Variants in TBPL2 observed in about 807,000 individuals in gnomAD.
TBPL2 encodes the protein TATA-box binding protein like 2, also known as TATA box-binding protein-like 2.
A neutral mutation model predicts 38.2 loss-of-function variants in TBPL2; 40 were observed. The observed-to-expected ratio is 1.05, with a 90% CI of 0.81 to 1.36. TBPL2 has a LOEUF of 1.36. TBPL2 is among the 40% of genes most tolerant of loss of function. TBPL2 has a pLI of 0.00. For missense variants in TBPL2, 461 were observed against 456.7 expected (o/e 1.01, Z -0.09); for synonymous variants, 169 against 171.7 (o/e 0.98, Z 0.12).
exon 3 of TBPL2, chr14:55,435,863 G>T: frequency 3.8e-6 from 6 of 1,567,364 alleles, no homozygotes; most frequent in Non-Finnish European, 5.1e-6. Flanking sequence ...GTTATATTCT[G>T]CATTTTTTGC....
chr14:55,431,939 T>C (rs143019917), intron 4 of TBPL2, among the ~76,000 whole-genome samples: 29 of 152,176 alleles, frequency 1.9e-4, no homozygotes, highest in African/African-American at 7.0e-4. Context: ...TGAATCAAAA[T>C]ACCAGCTATC....
intron 3 of TBPL2, 22 bp from the exon 4 acceptor site, chr14:55,433,743 G>C: frequency 6.2e-7 from 1 of 1,608,786 alleles, no homozygotes; most frequent in South Asian, 1.1e-5. Flanking sequence ...AACCAAAAGA[G>C]AATTAGCCTC....
chr14:55,421,663 A>C (rs575716035), intron 6 of TBPL2, among the ~76,000 whole-genome samples: 1 of 152,128 alleles, frequency 6.6e-6, no homozygotes, highest in Non-Finnish European at 1.5e-5. Context: ...GGGTTTCACC[A>C]TGTTGGCAAG....
intron 6 of TBPL2, among the ~76,000 whole-genome samples, chr14:55,416,095 T>A (rs1334362297): frequency 6.6e-6 from 1 of 151,552 alleles, no homozygotes; most frequent in Non-Finnish European, 1.5e-5. Flanking sequence ...GAGAGGGGAA[T>A]GGGGGGAATG....
At chr14:55,415,607 G>A (rs942282795) in intron 6 of TBPL2, among the ~76,000 whole-genome samples, 1 of 152,168 alleles carries the variant, frequency 6.6e-6, no homozygotes, top group Non-Finnish European at 1.5e-5. Flanking sequence ...GCTCACACCT[G>A]TAATCCCAGC....
chr14:55,433,500 A>G, intron 4 of TBPL2, 130 bp downstream of exon 4: 2 of 849,482 alleles, frequency 2.4e-6, no homozygotes, highest in African/African-American at 1.7e-5. Flanking sequence ...GTGGCATTTC[A>G]TTGAATAAAG....
chr14:55,414,216 A>G (rs1371404612), exon 7 of TBPL2: 3 of 589,320 alleles, frequency 5.1e-6, no homozygotes, highest in Non-Finnish European at 6.0e-6. Flanking sequence ...GTCATTTTGA[A>G]TAAGAATTTT....
intron 6 of TBPL2, among the ~76,000 whole-genome samples, chr14:55,416,102 A>C (rs1028253246): frequency 1.3e-5 from 2 of 152,124 alleles, no homozygotes; most frequent in Non-Finnish European, 2.9e-5. Context: ...GAATGGGGGG[A>C]ATGGTTTAAT....
intron 4 of TBPL2, among the ~76,000 whole-genome samples, chr14:55,431,089 T>C (rs1054492590): frequency 6.6e-6 from 1 of 152,238 alleles, no homozygotes; most frequent in African/African-American, 2.4e-5. Flanking sequence ...TTTGATCTTC[T>C]GCACTTTTCC....
chr14:55,428,782 A>G (rs1049510456), intron 5 of TBPL2, 25 bp downstream of exon 5: 2 of 1,586,954 alleles, frequency 1.3e-6, no homozygotes, highest in African/African-American at 2.7e-5. Context: ...GTAAATTCAA[A>G]GTTCAAGCTA....
intron 4 of TBPL2, among the ~76,000 whole-genome samples, chr14:55,432,445 A>AAAAAAAAACACC (rs1441228994): frequency 6.7e-6 from 1 of 150,244 alleles, no homozygotes; most frequent in Admixed American, 6.6e-5. Context: ...AACAAACAAC[A>AAAAAAAAACACC]AAAAAAACAC....
chr14:55,414,257 C>T (rs766118640), exon 7 of TBPL2: 66 of 711,092 alleles, frequency 9.3e-5, no homozygotes, highest in Middle Eastern at 2.7e-4. Flanking sequence ...TACACAGAGT[C>T]GCCCTTTAAT....
chr14:55,433,309 C>T (rs112526215), intron 4 of TBPL2, among the ~76,000 whole-genome samples: 7 of 119,892 alleles, frequency 5.8e-5, no homozygotes, highest in South Asian at 2.8e-4. Flanking sequence ...TTAGATTTCT[C>T]TTTTTTTTTT....
At chr14:55,435,980 T>TA (rs113744998) in intron 2 of TBPL2, 46 bp from the exon 3 acceptor site, 100,432 of 837,194 alleles carry the variant, frequency 0.12, 558 homozygotes, top group African/African-American at 0.15. Flanking sequence ...ATATAAAGAG[T>TA]AAAAAAAAAA....
chr14:55,436,083 T>C (rs1434852501), intron 2 of TBPL2, 149 bp from the exon 3 acceptor site: 4 of 502,670 alleles, frequency 8.0e-6, no homozygotes, highest in Middle Eastern at 5.3e-4. Flanking sequence ...ACATGATTCC[T>C]AGTTAAGTGT....
At chr14:55,434,007 T>C (rs965912815) in intron 3 of TBPL2, among the ~76,000 whole-genome samples, 2 of 152,218 alleles carry the variant, frequency 1.3e-5, no homozygotes, top group African/African-American at 4.8e-5. Context: ...CCTCATTTAG[T>C]GCTCAGGGAA....
chr14:55,437,401 C>A (rs1298517388), intron 1 of TBPL2, among the ~76,000 whole-genome samples: 1 of 152,220 alleles, frequency 6.6e-6, no homozygotes, highest in Non-Finnish European at 1.5e-5. Flanking sequence ...TCTCTTGAAC[C>A]TGGGAGGCAG....
chr14:55,432,084 G>A (rs1021462518), intron 4 of TBPL2, among the ~76,000 whole-genome samples: 2 of 152,052 alleles, frequency 1.3e-5, no homozygotes, highest in Admixed American at 6.6e-5. Flanking sequence ...GATAAAATGA[G>A]TATACCCTTC....
At chr14:55,438,611 G>A (rs76208248) in intron 1 of TBPL2, among the ~76,000 whole-genome samples, 3,012 of 152,196 alleles carry the variant, frequency 0.02, 106 homozygotes, top group African/African-American at 0.069. Flanking sequence ...AAAGCTACAC[G>A]TACACAAGAA....
Sources: gnomAD v4.1 joint callset for allele counts (sites outside exome capture counted in the v4.1 genomes callset) on GRCh38, gnomAD v4.1.1 for gene constraint, MANE v1.5 for transcripts, NCBI Gene and HGNC (gene_info 2026-07-23, HGNC 2026-07-21) for gene names.